GALNT2: variants seen among roughly 807,000 people sequenced by gnomAD.
GALNT2 encodes polypeptide N-acetylgalactosaminyltransferase 2, also known as UDP-GalNAc:polypeptide N-acetylgalactosaminyltransferase 2.
A neutral mutation model predicts 81.4 loss-of-function variants in GALNT2; 31 were observed. The observed-to-expected ratio is 0.38, with a 90% confidence interval of 0.29 to 0.51. The LOEUF (loss-of-function observed/expected upper bound fraction) is 0.51. Ranked by LOEUF, GALNT2 falls within the 20% of genes least tolerant of loss-of-function variation. GALNT2 has a pLI of 0.87. For missense variants in GALNT2, 629 were observed against 765.7 expected (o/e 0.82, Z 2.11); for synonymous variants, 303 against 287.4 (o/e 1.05, Z -0.55).
chr1:230,167,404 C>T (rs10779836), intron 1 of GALNT2, among the ~76,000 whole-genome samples: 100,754 of 152,094 alleles, frequency 0.66, 36,207 homozygotes, highest in Non-Finnish European at 0.8. Context: ...ACCTTGGCCT[C>T]CCAAAGTGCT....
At chr1:230,258,848 T>C (rs1225902705) in intron 11 of GALNT2, 2 of 152,218 alleles carry the variant, frequency 1.3e-5, no homozygotes, top group Non-Finnish European at 2.9e-5. Context: ...CCAAAGCCAT[T>C]GATACCTACC....
intron 1 of GALNT2, among the ~76,000 whole-genome samples, chr1:230,136,679 G>C (rs183350588): frequency 6.6e-6 from 1 of 152,168 alleles, no homozygotes; most frequent in African/African-American, 2.4e-5. Flanking sequence ...AGAAATAACG[G>C]GGGCAACGTT....
chr1:230,064,721 A>G (rs1263664909), upstream of GALNT2, among the ~76,000 whole-genome samples: 1 of 152,150 alleles, frequency 6.6e-6, no homozygotes, highest in Non-Finnish European at 1.5e-5. Context: ...CACTTTGGCC[A>G]GGCTGGTCTT....
At chr1:230,073,632 A>G (rs894104558) in intron 1 of GALNT2, among the ~76,000 whole-genome samples, 1 of 152,218 alleles carries the variant, frequency 6.6e-6, no homozygotes, top group Admixed American at 6.5e-5. Flanking sequence ...ATAAACAAAA[A>G]CTGTCACATA....
chr1:230,177,137 G>T (rs762563300), intron 1 of GALNT2, among the ~76,000 whole-genome samples: 2 of 152,254 alleles, frequency 1.3e-5, no homozygotes, highest in African/African-American at 2.4e-5. Flanking sequence ...AGTTGCATTT[G>T]GAAAAAATGT....
intron 1 of GALNT2, among the ~76,000 whole-genome samples, chr1:230,168,143 G>A (rs1459987029): frequency 2.6e-5 from 4 of 151,790 alleles, no homozygotes; most frequent in Non-Finnish European, 5.9e-5. Flanking sequence ...CTCGGAGCAA[G>A]TGTTAGAAAA....
At chr1:230,085,115 C>G (rs1189021221) in intron 1 of GALNT2, among the ~76,000 whole-genome samples, 1 of 152,098 alleles carries the variant, frequency 6.6e-6, no homozygotes, top group Non-Finnish European at 1.5e-5. Context: ...TAAGCAATCT[C>G]CTCTCTTCTG....
chr1:230,092,712 A>T (rs1362297459), intron 1 of GALNT2, among the ~76,000 whole-genome samples: 1 of 152,194 alleles, frequency 6.6e-6, no homozygotes, highest in Non-Finnish European at 1.5e-5. Context: ...TAACTTGTAG[A>T]GCATGGCTAT....
In GALNT2 at chr1:230,178,235, T is replaced by A. The variant is rs1484358110; in HGVS notation, c.144T>A (p.Ile48=). Reference sequence around the variant, plus strand: ...TCCCCTAGGAGGACTGGAATGAAATTGACCCCATTAAAAAGAAAGACCTTC... The same window carrying A: ...TCCCCTAGGAGGACTGGAATGAAATAGACCCCATTAAAAAGAAAGACCTTC... The part of the protein sequence containing the change: ...GAGRKEDWNE[I]DPIKKKDLHH... Residue 48 remains isoleucine, a synonymous_variant, in exon 2 of 16, where the codon ATT becomes ATA. Coordinates refer to ENST00000366672, the MANE Select transcript of GALNT2 (RefSeq NM_004481.5). 1 of 1,613,964 alleles carries A rather than the reference T, an allele frequency of 6.2e-7. No individual in the cohort carries two copies. The highest frequency in any genetic ancestry group is 2.2e-5 in the East Asian group (1 of 44,880).
At chr1:230,231,392 C>T (rs1664860390) in intron 3 of GALNT2, among the ~76,000 whole-genome samples, 1 of 152,124 alleles carries the variant, frequency 6.6e-6, no homozygotes, top group Non-Finnish European at 1.5e-5. Flanking sequence ...AACACTAGGT[C>T]ACCTGGGGTG....
At chr1:230,153,490 G>GA (rs1422591440) in intron 1 of GALNT2, among the ~76,000 whole-genome samples, 1 of 152,152 alleles carries the variant, frequency 6.6e-6, no homozygotes, top group South Asian at 2.1e-4. Context: ...TAGAGAAAAA[G>GA]AAAAAACACC....
chr1:230,273,879 GT>G (rs1157012381), intron 14 of GALNT2, among the ~76,000 whole-genome samples: 2 of 152,178 alleles, frequency 1.3e-5, no homozygotes, highest in East Asian at 3.8e-4. Flanking sequence ...TATTCCTCCA[GT>G]TTTCAGAGGG....
chr1:230,151,107 C>T (rs1406878481), intron 1 of GALNT2, among the ~76,000 whole-genome samples: 1 of 152,208 alleles, frequency 6.6e-6, no homozygotes, highest in South Asian at 2.1e-4. Context: ...TGTTCAGGAT[C>T]TTGTGTGGTG....
chr1:230,126,268 C>T (rs1344570766), intron 1 of GALNT2, among the ~76,000 whole-genome samples: 1 of 152,164 alleles, frequency 6.6e-6, no homozygotes, highest in African/African-American at 2.4e-5. Flanking sequence ...AGTGGAGACA[C>T]AGGCAGGGCC....
At chr1:230,167,916 C>T (rs1662663303) in intron 1 of GALNT2, among the ~76,000 whole-genome samples, 1 of 152,042 alleles carries the variant, frequency 6.6e-6, no homozygotes, top group Admixed American at 6.5e-5. Flanking sequence ...TTTTAAAATG[C>T]AATTGATTTT....
chr1:230,191,254 A>G (rs558638154), intron 2 of GALNT2, among the ~76,000 whole-genome samples: 1 of 152,354 alleles, frequency 6.6e-6, no homozygotes, highest in Non-Finnish European at 1.5e-5. Flanking sequence ...TTCAGAGCAC[A>G]GAGTGTTCAG....
rs1219468204 is a variant in GALNT2, at chr1:230,067,452, C to A, written c.126+46C>A. 120 of 779,694 alleles carry A rather than the reference C, an allele frequency of 1.5e-4. 1 individual carries two copies. The highest frequency in any genetic ancestry group is 1.5e-4 in the Non-Finnish European group (86 of 589,896). The allele number at this position is 779,694 out of a possible 1,614,324, so 48.3% of individuals were successfully genotyped here. On this transcript the variant is annotated intron_variant, in intron 1 of 15. Coordinates refer to ENST00000366672, the MANE Select transcript of GALNT2 (RefSeq NM_004481.5). ...CGGCCGGGCCCCTGCGCCCACCCCCCACCCTGCGCCCCTGTCCCCTGCCCT... is the reference window on the plus strand; with the variant it reads ...CGGCCGGGCCCCTGCGCCCACCCCCAACCCTGCGCCCCTGTCCCCTGCCCT...
In GALNT2 at chr1:230,148,210, C is replaced by T. The variant is rs900314042; in HGVS notation, c.127-30008C>T. ...TGGACTTTAGGTGAAGGGCTGCCCA[C>T]CGGCACAACCAGATCAGTGGCCAGC... On this transcript the variant is annotated intron_variant, in intron 1 of 15. Transcript: ENST00000366672. Among the ~76,000 whole-genome samples the T allele has an allele frequency of 4.6e-5, 7 of 152,334 alleles. No homozygotes were observed. The South Asian group carries it at 8.3e-4, about 18-fold the overall frequency.
At chr1:230,203,082 A>C in intron 2 of GALNT2, 55 bp from the exon 3 acceptor site, 1 of 1,563,700 alleles carries the variant, frequency 6.4e-7, no homozygotes, top group Non-Finnish European at 8.7e-7. Context: ...AGTCTCTGTG[A>C]TGAGCACTTG....
Sources: gnomAD v4.1 joint callset for allele counts (sites outside exome capture counted in the v4.1 genomes callset) on GRCh38, gnomAD v4.1.1 for gene constraint, MANE v1.5 for transcripts, NCBI Gene and HGNC (gene_info 2026-07-23, HGNC 2026-07-21) for gene names.